Variants in DLG2 observed in about 807,000 individuals in gnomAD.
DLG2 encodes the protein disks large homolog 2.
Under a neutral mutation model 132.5 loss-of-function variants are expected in DLG2, and 45 were observed. The ratio of observed to expected loss-of-function variants is 0.34; its 90% CI spans 0.27 to 0.44. The LOEUF (loss-of-function observed/expected upper bound fraction) is 0.44, where lower values mean the gene tolerates loss of function less well. Ranked by LOEUF, DLG2 falls within the 20% of genes least tolerant of loss-of-function variation. The pLI is 1.00. For missense variants in DLG2, 1,045 were observed against 1,196.9 expected, an observed-to-expected ratio of 0.87 and a Z score of 1.87; for synonymous variants, 424 against 419.6, an observed-to-expected ratio of 1.01 and a Z score of -0.13.
chr11:85,315,286 T>A (rs1448938132), intron 3 of DLG2, among the ~76,000 whole-genome samples: 1 of 152,006 alleles, frequency 6.6e-6, no homozygotes, highest in Non-Finnish European at 1.5e-5. Flanking sequence ...TTGTCCTGTC[T>A]TAGCATGAGC....
intron 6 of DLG2, among the ~76,000 whole-genome samples, chr11:84,863,010 C>T (rs73516935): frequency 6.6e-6 from 1 of 152,000 alleles, no homozygotes; most frequent in African/African-American, 2.4e-5. Flanking sequence ...TGCTTCTCTC[C>T]CACCAACTCT....
chr11:83,822,406 C>A (rs2051078012), intron 17 of DLG2, among the ~76,000 whole-genome samples: 1 of 152,246 alleles, frequency 6.6e-6, no homozygotes, highest in African/African-American at 2.4e-5. Context: ...CCCCGATGGT[C>A]ATTTATCATT....
At chr11:84,981,512 T>C (rs1277211009) in intron 6 of DLG2, among the ~76,000 whole-genome samples, 1 of 152,148 alleles carries the variant, frequency 6.6e-6, no homozygotes, top group Non-Finnish European at 1.5e-5. Context: ...TTTTGAGCTC[T>C]GATTGGAGGT....
intron 3 of DLG2, among the ~76,000 whole-genome samples, chr11:85,484,593 A>G (rs1283112208): frequency 6.6e-6 from 1 of 152,116 alleles, no homozygotes; most frequent in East Asian, 1.9e-4. Flanking sequence ...CAAAAAACAC[A>G]TGAAAAAATG....
intron 6 of DLG2, among the ~76,000 whole-genome samples, chr11:84,954,348 G>T (rs1387548363): frequency 3.4e-5 from 4 of 119,276 alleles, no homozygotes; most frequent in Admixed American, 2.5e-4. Context: ...CATCTTAAAG[G>T]ATAAAAAAAA....
intron 11 of DLG2, among the ~76,000 whole-genome samples, chr11:84,012,057 G>GACTT (rs780783913): frequency 4.2e-4 from 64 of 152,070 alleles, no homozygotes; most frequent in Non-Finnish European, 6.8e-4. Context: ...TTCTCTGTGA[G>GACTT]ACTTACATAT....
intron 7 of DLG2, among the ~76,000 whole-genome samples, chr11:84,502,943 G>C (rs185866513): frequency 2.0e-5 from 3 of 152,278 alleles, no homozygotes; most frequent in East Asian, 1.9e-4. Flanking sequence ...GAAGGTCAGG[G>C]ATAAGTGCCT....
intron 8 of DLG2, among the ~76,000 whole-genome samples, chr11:84,198,934 T>G (rs2096557914): frequency 6.6e-6 from 1 of 152,128 alleles, no homozygotes; most frequent in African/African-American, 2.4e-5. Flanking sequence ...AAAGGAGATC[T>G]GCCAATGATC....
chr11:83,486,351 C>CAAA (rs61265208), intron 21 of DLG2: 43 of 454,068 alleles, frequency 9.5e-5, no homozygotes, highest in South Asian at 2.2e-4. Flanking sequence ...ACTTGTCATG[C>CAAA]AAAAAAAAAA....
chr11:85,135,029 C>G (rs1396249971), intron 5 of DLG2, among the ~76,000 whole-genome samples: 1 of 152,092 alleles, frequency 6.6e-6, no homozygotes, highest in African/African-American at 2.4e-5. Flanking sequence ...TCTATTCACC[C>G]TCATTTGTTA....
intron 6 of DLG2, among the ~76,000 whole-genome samples, chr11:84,936,904 G>A (rs1260433429): frequency 6.6e-6 from 1 of 152,160 alleles, no homozygotes. Flanking sequence ...TGTAATCCCA[G>A]CACTTTAGGA....
At chr11:84,300,900 G>C (rs2098143696) in intron 7 of DLG2, among the ~76,000 whole-genome samples, 1 of 152,128 alleles carries the variant, frequency 6.6e-6, no homozygotes, top group Non-Finnish European at 1.5e-5. Flanking sequence ...AAGCAATTTG[G>C]CAATTAACTC....
intron 6 of DLG2, among the ~76,000 whole-genome samples, chr11:84,895,937 C>T (rs77927971): frequency 6.6e-6 from 1 of 152,178 alleles, no homozygotes; most frequent in South Asian, 2.1e-4. Flanking sequence ...AGCAGACTTG[C>T]AGCAAATGGC....
At chr11:83,704,573 T>A (rs1228995099) in intron 18 of DLG2, among the ~76,000 whole-genome samples, 5 of 151,712 alleles carry the variant, frequency 3.3e-5, no homozygotes, top group African/African-American at 9.7e-5. Flanking sequence ...TCTTAGCATT[T>A]TGGGAGGCTG....
chr11:83,864,218 A>T (rs2061912261), intron 16 of DLG2, among the ~76,000 whole-genome samples: 1 of 152,222 alleles, frequency 6.6e-6, no homozygotes, highest in Non-Finnish European at 1.5e-5. Context: ...CAGTGCTAGT[A>T]GCTTCCCTCA....
At chr11:85,172,395 G>T (rs1734284260) in intron 4 of DLG2, among the ~76,000 whole-genome samples, 1 of 152,088 alleles carries the variant, frequency 6.6e-6, no homozygotes, top group Non-Finnish European at 1.5e-5. Flanking sequence ...AATGTTAAAA[G>T]AAAAACAAAC....
At chr11:84,657,680 A>G (rs1056179712) in intron 6 of DLG2, among the ~76,000 whole-genome samples, 1 of 152,148 alleles carries the variant, frequency 6.6e-6, no homozygotes, top group Non-Finnish European at 1.5e-5. Context: ...TGTTAATCTG[A>G]CAGGAAGTAG....
At chr11:84,430,464 A>G (rs2154472788) in intron 7 of DLG2, among the ~76,000 whole-genome samples, 1 of 151,644 alleles carries the variant, frequency 6.6e-6, no homozygotes, top group Non-Finnish European at 1.5e-5. Context: ...AGAAAAAAAA[A>G]AGAGAAGGAA....
At chr11:85,271,944 T>C (rs1412965946) in intron 4 of DLG2, among the ~76,000 whole-genome samples, 1 of 152,164 alleles carries the variant, frequency 6.6e-6, no homozygotes, top group African/African-American at 2.4e-5. Context: ...TTGGGAGACT[T>C]TTGGGAAGGC....
Sources: allele counts gnomAD v4.1 joint callset (sites outside exome capture counted in the v4.1 genomes callset), GRCh38; gene constraint gnomAD v4.1.1; transcripts MANE v1.5; gene names NCBI Gene and HGNC (gene_info 2026-07-23, HGNC 2026-07-21).